Variants in GRIA4 observed in about 807,000 individuals in gnomAD.
GRIA4 encodes glutamate ionotropic receptor AMPA type subunit 4, also known as glutamate receptor 4.
GRIA4 carries 34 observed loss-of-function variants against 104.0 expected under a neutral mutation model. That is an observed-to-expected ratio of 0.33 (90% confidence interval 0.25 to 0.44). The LOEUF (loss-of-function observed/expected upper bound fraction) is 0.44, where lower values mean the gene tolerates loss of function less well. GRIA4 is among the 20% of genes least tolerant of loss of function. The probability of loss-of-function intolerance (pLI) is 1.00; values close to 1 mark genes in which losing one functional copy is unlikely to be tolerated. For synonymous variants in GRIA4, 386 were observed against 381.9 expected (o/e 1.01, Z -0.13); for missense variants, 750 against 1,096.5 (o/e 0.68, Z 4.46).
chr11:105,902,356 G>T (rs1441439739), intron 7 of GRIA4, among the ~76,000 whole-genome samples: 1 of 150,768 alleles, frequency 6.6e-6, no homozygotes, highest in Non-Finnish European at 1.5e-5. Context: ...TCTGAGACAG[G>T]GTCTTTATCT....
intron 4 of GRIA4, among the ~76,000 whole-genome samples, chr11:105,805,323 G>A (rs1385828671): frequency 1.3e-5 from 2 of 151,498 alleles, no homozygotes; most frequent in East Asian, 1.9e-4. Flanking sequence ...AAGGCGAAGC[G>A]ATCATCCATA....
At chr11:105,835,336 A>T in intron 4 of GRIA4, among the ~76,000 whole-genome samples, 1 of 152,064 alleles carries the variant, frequency 6.6e-6, no homozygotes, top group South Asian at 2.1e-4. Flanking sequence ...TAATACATTT[A>T]TATGATATTA....
intron 3 of GRIA4, among the ~76,000 whole-genome samples, chr11:105,710,493 A>G (rs1480605773): frequency 6.6e-6 from 1 of 152,122 alleles, no homozygotes; most frequent in African/African-American, 2.4e-5. Context: ...CCTTTATTTT[A>G]TATATAAATG....
intron 4 of GRIA4, among the ~76,000 whole-genome samples, chr11:105,758,160 T>A (rs1197666057): frequency 6.6e-6 from 1 of 152,024 alleles, no homozygotes; most frequent in African/African-American, 2.4e-5. Flanking sequence ...AGGGAGCATC[T>A]CTTAGCCCAG....
chr11:105,628,057 A>T (rs111348025), intron 3 of GRIA4, among the ~76,000 whole-genome samples: 11 of 152,200 alleles, frequency 7.2e-5, no homozygotes, highest in African/African-American at 2.6e-4. Context: ...TAATTAGTAC[A>T]ATTACCATCA....
At chr11:105,849,156 C>T (rs553415610) in intron 4 of GRIA4, among the ~76,000 whole-genome samples, 2 of 152,250 alleles carry the variant, frequency 1.3e-5, no homozygotes, top group East Asian at 3.9e-4. Context: ...TGCGCCACTG[C>T]ATTCCAGCCT....
chr11:105,883,544 G>C (rs1946144621), intron 5 of GRIA4, among the ~76,000 whole-genome samples: 3 of 150,244 alleles, frequency 2.0e-5, no homozygotes, highest in Non-Finnish European at 4.4e-5. Context: ...TTTTGTCCTT[G>C]TGATAGTTTG....
intron 4 of GRIA4, among the ~76,000 whole-genome samples, chr11:105,813,035 A>G (rs1943239553): frequency 7.1e-6 from 1 of 140,476 alleles, no homozygotes; most frequent in South Asian, 2.3e-4. Flanking sequence ...CGGAGCTTGC[A>G]GTGAGCCAAG....
intron 3 of GRIA4, among the ~76,000 whole-genome samples, chr11:105,752,088 G>A (rs945885806): frequency 2.6e-5 from 4 of 151,886 alleles, no homozygotes; most frequent in Non-Finnish European, 5.9e-5. Context: ...ATTTGGACCA[G>A]AAATCAGTTA....
intron 4 of GRIA4, among the ~76,000 whole-genome samples, chr11:105,818,922 AT>A (rs1943479618): frequency 6.6e-6 from 1 of 152,176 alleles, no homozygotes; most frequent in African/African-American, 2.4e-5. Flanking sequence ...ATTTTTATGC[AT>A]GTGTAACAAA....
chr11:105,662,284 T>C (rs1184777326), intron 3 of GRIA4, among the ~76,000 whole-genome samples: 1 of 151,830 alleles, frequency 6.6e-6, no homozygotes, highest in Non-Finnish European at 1.5e-5. Context: ...CTTGTCTGAG[T>C]GCATGTATCT....
chr11:105,821,731 T>C (rs1290138519), intron 4 of GRIA4, among the ~76,000 whole-genome samples: 1 of 152,110 alleles, frequency 6.6e-6, no homozygotes, highest in Non-Finnish European at 1.5e-5. Context: ...ATCCAAAGTA[T>C]ATCAGAGACT....
chr11:105,922,576 T>C (rs571925507), intron 11 of GRIA4, among the ~76,000 whole-genome samples: 44 of 152,168 alleles, frequency 2.9e-4, no homozygotes, highest in Non-Finnish European at 5.9e-4. Context: ...TGAGTACATT[T>C]TGACATTTTT....
At chr11:105,681,631 C>T (rs1952713297) in intron 3 of GRIA4, among the ~76,000 whole-genome samples, 1 of 152,080 alleles carries the variant, frequency 6.6e-6, no homozygotes, top group Non-Finnish European at 1.5e-5. Context: ...GTAAAGTGCA[C>T]TCCAAATTTT....
chr11:105,726,000 T>G (rs1453796437), intron 3 of GRIA4, among the ~76,000 whole-genome samples: 2 of 151,130 alleles, frequency 1.3e-5, no homozygotes, highest in African/African-American at 2.4e-5. Flanking sequence ...GCTGCAGGAG[T>G]TTTTTTTCAT....
At chr11:105,646,640 C>T (rs533492052) in intron 3 of GRIA4, among the ~76,000 whole-genome samples, 21 of 152,272 alleles carry the variant, frequency 1.4e-4, no homozygotes, top group Non-Finnish European at 2.5e-4. Context: ...TAAGACTGCA[C>T]ACCTACAATT....
chr11:105,762,467 C>A (rs527877710), intron 4 of GRIA4, among the ~76,000 whole-genome samples: 7 of 152,250 alleles, frequency 4.6e-5, no homozygotes, highest in African/African-American at 1.7e-4. Context: ...ACAATATTAG[C>A]CAAATCTCTA....
chr11:105,760,587 T>C (rs936924731), intron 4 of GRIA4, among the ~76,000 whole-genome samples: 8 of 152,198 alleles, frequency 5.3e-5, no homozygotes, highest in African/African-American at 1.7e-4. Context: ...TTCTGTTTTC[T>C]GGATGAGTTT....
At chr11:105,792,199 AG>A (rs1162459815) in intron 4 of GRIA4, among the ~76,000 whole-genome samples, 1 of 152,210 alleles carries the variant, frequency 6.6e-6, no homozygotes, top group African/African-American at 2.4e-5. Context: ...AGTAAACACC[AG>A]TTTGTGTAAT....
Sources: gnomAD v4.1 joint callset for allele counts (sites outside exome capture counted in the v4.1 genomes callset) on GRCh38, gnomAD v4.1.1 for gene constraint, MANE v1.5 for transcripts, NCBI Gene and HGNC (gene_info 2026-07-23, HGNC 2026-07-21) for gene names.